The following FRAS1 variants were observed in gnomAD, a reference collection of about 807,000 sequenced individuals.
FRAS1 encodes Fraser extracellular matrix complex subunit 1, also known as extracellular matrix organizing protein FRAS1.
In FRAS1, 290 loss-of-function variants were observed where a neutral mutation model predicts 435.2. The ratio of observed to expected loss-of-function variants is 0.67; its 90% CI spans 0.61 to 0.73. The LOEUF (loss-of-function observed/expected upper bound fraction) is 0.73. FRAS1 is among the 30% of genes least tolerant of loss of function. FRAS1 has a pLI of 0.00. For synonymous variants in FRAS1, 1,800 were observed against 1,851.0 expected (o/e 0.97, Z 0.71); for missense variants, 4,860 against 5,001.5 (o/e 0.97, Z 0.85).
rs377245777 is a variant in FRAS1 at position 78,135,960 on chromosome 4, C to T, written c.108+69944C>T. On this transcript the variant is annotated intron_variant, in intron 2 of 73. Transcript: ENST00000512123. Reference sequence around the variant, plus strand: ...TGTGAGCCTCTGATCTCAACATTTCCATCAGCTGATCGATACCTAACTGTG... The same window carrying T: ...TGTGAGCCTCTGATCTCAACATTTCTATCAGCTGATCGATACCTAACTGTG... 5.9e-5 allele frequency among the ~76,000 whole-genome samples: 9 copies of T among 152,292 alleles called. 1 individual carries two copies. Among genetic ancestry groups the T allele is most frequent in the African/African-American group, 2.2e-4 (9 of 41,566 alleles).
chr4:78,501,260 T>G lies in FRAS1; in HGVS notation c.9316+1339T>G, dbSNP rs142618199. On this transcript the variant is annotated intron_variant, in intron 61 of 73. Coordinates refer to ENST00000512123, the MANE Select transcript of FRAS1 (RefSeq NM_025074.7). ...TGATAGTTTGCTGAGAATGATGGTT[T>G]CCAGCTTCATCCATGTCCCTGCAAA... Among the ~76,000 whole-genome samples, 170 of 152,320 alleles carry G rather than the reference T, an allele frequency of 1.1e-3. 1 individual carries two copies. The highest frequency in any genetic ancestry group is 3.8e-3 in the African/African-American group (160 of 41,580).
At chr4:78,395,702 T>C (rs985890734) in intron 29 of FRAS1, among the ~76,000 whole-genome samples, 2 of 152,084 alleles carry the variant, frequency 1.3e-5, no homozygotes, top group African/African-American at 4.8e-5. Flanking sequence ...TTTATTTGCA[T>C]GGTATATATT....
chr4:78,536,191 ATTTT>A (rs11355997), intron 71 of FRAS1, among the ~76,000 whole-genome samples: 3 of 103,970 alleles, frequency 2.9e-5, no homozygotes, highest in Admixed American at 2.1e-4. Context: ...TTGTACATGG[ATTTT>A]TTTTTTTTTT....
rs114989550 is a variant in FRAS1 at position 78,446,073 on chromosome 4, C to T, written c.5856+361C>T. ...TGCATATTTGCCTTTTCTTATTTTA[C>T]TGCATTTATTTATTTAATTGTAACA... On this transcript the variant is annotated intron_variant, in intron 42 of 73. Coordinates refer to ENST00000512123, the MANE Select transcript of FRAS1 (RefSeq NM_025074.7). 1,440 of 1,125,648 alleles carry T rather than the reference C, an allele frequency of 1.3e-3. 8 individuals are homozygous for T. The African/African-American group carries it at 0.014, about 11-fold the overall frequency. 69.7% of individuals were successfully genotyped at this position (1,125,648 alleles called of 1,614,324 possible). A position where few individuals can be genotyped will look rare whatever the true frequency, so the allele number is the denominator to read the frequency against.
Position 78,481,705 on chromosome 4 carries a change from A to T in FRAS1, c.8444-99A>T, listed in dbSNP as rs552359046. 3.7e-6 allele frequency: 5 copies of T among 1,344,820 alleles called. No individual in the cohort carries two copies. The African/African-American group carries it at 7.2e-5, about 19-fold the overall frequency. The allele number at this position is 1,344,820 out of a possible 1,614,324, so 83.3% of individuals were successfully genotyped here. A position where few individuals can be genotyped will look rare whatever the true frequency, so the allele number is the denominator to read the frequency against. Reference sequence around the variant, plus strand: ...GATTAGAAAAGCTCAAAGGGCTAAAAGCTGCCACTATTGCAGTGAGGGAGA... The same window carrying T: ...GATTAGAAAAGCTCAAAGGGCTAAATGCTGCCACTATTGCAGTGAGGGAGA... On this transcript the variant is annotated intron_variant, in intron 56 of 73. Transcript: ENST00000512123.
chr4:78,518,166 A>G lies in FRAS1; in HGVS notation c.10390-1165A>G, dbSNP rs528158222. 2.6e-5 allele frequency among the ~76,000 whole-genome samples: 4 copies of G among 152,080 alleles called. No individual in the cohort carries two copies. The South Asian group carries it at 6.2e-4, about 24-fold the overall frequency. On this transcript the variant is annotated intron_variant, in intron 66 of 73. Coordinates refer to ENST00000512123, the MANE Select transcript of FRAS1 (RefSeq NM_025074.7). ...CAAACAAACAAAGTAAGGCATGTCAAAATGGAATTTTTCAATGAGTATGGA... is the reference window on the plus strand; with the variant it reads ...CAAACAAACAAAGTAAGGCATGTCAGAATGGAATTTTTCAATGAGTATGGA...
At chr4:78,532,492 T>C (rs1721745370) in intron 70 of FRAS1, among the ~76,000 whole-genome samples, 1 of 152,184 alleles carries the variant, frequency 6.6e-6, no homozygotes, top group South Asian at 2.1e-4. Context: ...TCTCCTCACT[T>C]AGTTACCTGC....
At chr4:78,114,047 G>A (rs1018213293) in intron 2 of FRAS1, among the ~76,000 whole-genome samples, 16 of 152,086 alleles carry the variant, frequency 1.1e-4, no homozygotes, top group Non-Finnish European at 2.1e-4. Context: ...TTCTATATAT[G>A]GCTAGCCAGT....
At chr4:78,214,792 C>A (rs1198915973) in intron 2 of FRAS1, among the ~76,000 whole-genome samples, 1 of 152,162 alleles carries the variant, frequency 6.6e-6, no homozygotes, top group Non-Finnish European at 1.5e-5. Flanking sequence ...TAATTTGTCT[C>A]CATGCACAGA....
chr4:78,057,846 T>G lies in FRAS1; in HGVS notation c.-164T>G. ...GCCCGCTCCGGCGCCTCCGGGCTGATGAGTGTCGCTCTCCGCCCGTCCATC... is the reference window on the plus strand; with the variant it reads ...GCCCGCTCCGGCGCCTCCGGGCTGAGGAGTGTCGCTCTCCGCCCGTCCATC... On this transcript the variant is annotated 5_prime_UTR_variant, in exon 1 of 74. It removes an upstream start codon present in the reference 5' UTR. Coordinates refer to ENST00000512123, the MANE Select transcript of FRAS1 (RefSeq NM_025074.7). This position sits in a 1 kb window ranked among gnomAD's most constrained non-coding sequence, Gnocchi z 4.2. The G allele has an allele frequency of 1.6e-6, 1 of 625,380 alleles. No individual in the cohort carries two copies. Among genetic ancestry groups the G allele is most frequent in the Non-Finnish European group, 2.8e-6 (1 of 357,060 alleles). The allele number at this position is 625,380 out of a possible 1,614,324, so 38.7% of individuals were successfully genotyped here. A position where few individuals can be genotyped will look rare whatever the true frequency, so the allele number is the denominator to read the frequency against.
intron 47 of FRAS1, among the ~76,000 whole-genome samples, chr4:78,463,301 GAAAT>G (rs536180657): frequency 8.5e-5 from 13 of 152,080 alleles, no homozygotes; most frequent in African/African-American, 1.9e-4. Flanking sequence ...TGACTGGAAT[GAAAT>G]AAATAGAGAA....
At chr4:78,317,578 A>G (rs1004512298) in intron 17 of FRAS1, 70 bp downstream of exon 17, 40 of 1,410,560 alleles carry the variant, frequency 2.8e-5, no homozygotes, top group Admixed American at 1.2e-4. Flanking sequence ...TTTTCCAATA[A>G]TATAACTTTC....
chr4:78,211,433 G>C (rs575286971), intron 2 of FRAS1, among the ~76,000 whole-genome samples: 1 of 152,296 alleles, frequency 6.6e-6, no homozygotes, highest in South Asian at 2.1e-4. Context: ...TAATAGAAGG[G>C]GCTATGACTA....
intron 2 of FRAS1, among the ~76,000 whole-genome samples, chr4:78,143,993 A>T (rs186924323): frequency 1.1e-3 from 164 of 151,990 alleles, no homozygotes; most frequent in African/African-American, 3.3e-3. Context: ...AAAAATACTT[A>T]AAAAATTTCC....
At chr4:78,130,923 G>C (rs1325570497) in intron 2 of FRAS1, among the ~76,000 whole-genome samples, 1 of 152,178 alleles carries the variant, frequency 6.6e-6, no homozygotes, top group Non-Finnish European at 1.5e-5. Context: ...ACTTGAGAAA[G>C]AGTTTGCCTG....
At chr4:78,324,708 C>CT (rs139942839) in intron 18 of FRAS1, among the ~76,000 whole-genome samples, 1,033 of 88,032 alleles carry the variant, frequency 0.012, 31 homozygotes, top group African/African-American at 0.015. Flanking sequence ...GCTCAGATTC[C>CT]TTTTTTTTTT....
intron 22 of FRAS1, among the ~76,000 whole-genome samples, chr4:78,364,346 A>G (rs771953724): frequency 6.6e-6 from 1 of 152,244 alleles, no homozygotes; most frequent in Non-Finnish European, 1.5e-5. Flanking sequence ...CATTTAAAAA[A>G]TAAAAGTGTT....
intron 68 of FRAS1, among the ~76,000 whole-genome samples, chr4:78,521,912 A>G (rs896775488): frequency 3.3e-5 from 5 of 152,186 alleles, no homozygotes; most frequent in African/African-American, 1.2e-4. Context: ...CTTCTACGAT[A>G]TTTAGCATTG....
At chr4:78,251,928 A>AGG (rs148902119) in intron 4 of FRAS1, among the ~76,000 whole-genome samples, 3 of 151,898 alleles carry the variant, frequency 2.0e-5, no homozygotes, top group Admixed American at 2.0e-4. Flanking sequence ...TGAGAGAGAG[A>AGG]GAGAGAGAGA....
Sources: gnomAD v4.1 joint callset for allele counts (sites outside exome capture counted in the v4.1 genomes callset) on GRCh38, gnomAD v4.1.1 for gene constraint, Gnocchi (gnomAD v3.1) non-coding constraint, MANE v1.5 for transcripts, NCBI Gene and HGNC (gene_info 2026-07-23, HGNC 2026-07-21) for gene names.